The following CPN1 variants were observed in gnomAD, a reference collection of about 807,000 sequenced individuals.
CPN1 encodes carboxypeptidase N catalytic chain.
CPN1 carries 37 observed loss-of-function variants against 46.4 expected under a neutral mutation model. That is an observed-to-expected ratio of 0.80 (90% CI 0.61 to 1.05). CPN1 has a LOEUF of 1.05. Among genes scored for constraint, CPN1 ranks in the 50% least tolerant of loss-of-function variants. The pLI, the probability that CPN1 is intolerant of heterozygous loss-of-function variation, is 0.00. For synonymous variants in CPN1, 224 were observed against 235.4 expected, an observed-to-expected ratio of 0.95 and a Z score of 0.44; for missense variants, 563 against 602.6, an observed-to-expected ratio of 0.93 and a Z score of 0.69.
chr10:100,058,273 GT>G (rs1398711389), intron 5 of CPN1, among the ~76,000 whole-genome samples: 1 of 152,032 alleles, frequency 6.6e-6, no homozygotes, highest in African/African-American at 2.4e-5. Context: ...CACATGACCT[GT>G]TTTTAAAAGA....
intron 7 of CPN1, among the ~76,000 whole-genome samples, chr10:100,050,305 G>A (rs2041342911): frequency 6.6e-6 from 1 of 152,190 alleles, no homozygotes; most frequent in Non-Finnish European, 1.5e-5. Flanking sequence ...AGTGAGCCGA[G>A]ATCGCGCCAC....
At chr10:100,078,523 G>A (rs936401992) in intron 1 of CPN1, among the ~76,000 whole-genome samples, 9 of 152,302 alleles carry the variant, frequency 5.9e-5, no homozygotes, top group African/African-American at 2.2e-4. Context: ...CAGAGTCAGG[G>A]GTTGGCAAAA....
intron 2 of CPN1, among the ~76,000 whole-genome samples, chr10:100,073,561 G>A (rs1384671877): frequency 2.0e-5 from 3 of 151,570 alleles, no homozygotes; most frequent in Admixed American, 1.3e-4. Context: ...CTAAAAGCAA[G>A]GTGTCTCTCC....
intron 1 of CPN1, among the ~76,000 whole-genome samples, chr10:100,076,604 C>T (rs754634729): frequency 3.3e-5 from 5 of 152,180 alleles, no homozygotes; most frequent in Non-Finnish European, 7.3e-5. Flanking sequence ...GCGTAACAGC[C>T]GCTAATGATC....
chr10:100,068,052 T>C (rs1293685265), intron 3 of CPN1, among the ~76,000 whole-genome samples: 2 of 149,674 alleles, frequency 1.3e-5, no homozygotes, highest in Admixed American at 6.7e-5. Context: ...CTCAGGAGAC[T>C]GAGGCAGGAG....
At chr10:100,042,926 T>C (rs1267592065) in intron 8 of CPN1, among the ~76,000 whole-genome samples, 1 of 151,858 alleles carries the variant, frequency 6.6e-6, no homozygotes, top group African/African-American at 2.4e-5. Context: ...ACCCTGTCTC[T>C]ACTAAAAATA....
At chr10:100,063,804 A>G (rs988986851) in intron 4 of CPN1, 79 bp from the exon 5 acceptor site, 32 of 1,019,978 alleles carry the variant, frequency 3.1e-5, no homozygotes. Context: ...ACTAGGTTGA[A>G]GCCAAGAAGC....
At chr10:100,056,572 C>T (rs1056257053) in intron 6 of CPN1, among the ~76,000 whole-genome samples, 1 of 152,002 alleles carries the variant, frequency 6.6e-6, no homozygotes, top group African/African-American at 2.4e-5. Context: ...TTTGAGAAGG[C>T]TCTTGCTCTG....
At chr10:100,047,437 C>T (rs1420217511) in intron 8 of CPN1, among the ~76,000 whole-genome samples, 1 of 152,132 alleles carries the variant, frequency 6.6e-6, no homozygotes, top group African/African-American at 2.4e-5. Context: ...GGGTACTGAC[C>T]CACACACAGA....
intron 2 of CPN1, 75 bp from the exon 3 acceptor site, chr10:100,069,944 A>T (rs1320107041): frequency 1.9e-6 from 3 of 1,538,516 alleles, no homozygotes; most frequent in African/African-American, 1.4e-5. Context: ...TTTTTTGGAG[A>T]CAGGTTCTCA....
chr10:100,062,268 C>A (rs1392614013), intron 5 of CPN1, among the ~76,000 whole-genome samples: 2 of 152,232 alleles, frequency 1.3e-5, no homozygotes, highest in Non-Finnish European at 2.9e-5. Flanking sequence ...GAGGTTCTAT[C>A]TTGACCCCTG....
At chr10:100,073,505 G>A (rs2041497432) in intron 2 of CPN1, among the ~76,000 whole-genome samples, 1 of 151,734 alleles carries the variant, frequency 6.6e-6, no homozygotes, top group Non-Finnish European at 1.5e-5. Context: ...CGAGTGTATT[G>A]TCTCATAGTT....
intron 7 of CPN1, among the ~76,000 whole-genome samples, chr10:100,051,493 T>C (rs1291358824): frequency 6.6e-6 from 1 of 152,152 alleles, no homozygotes; most frequent in African/African-American, 2.4e-5. Context: ...ATATAATGAA[T>C]GTTTACAATG....
chr10:100,075,357 A>C (rs2041508039), intron 2 of CPN1, among the ~76,000 whole-genome samples: 1 of 152,234 alleles, frequency 6.6e-6, no homozygotes, highest in African/African-American at 2.4e-5. Context: ...AAAATATAGA[A>C]TCAATAGACT....
At chr10:100,046,945 A>G (rs2041316544) in intron 8 of CPN1, among the ~76,000 whole-genome samples, 1 of 152,004 alleles carries the variant, frequency 6.6e-6, no homozygotes, top group African/African-American at 2.4e-5. Flanking sequence ...ATGGTGGCAC[A>G]TGCCTGTAAT....
At chr10:100,055,627 C>G (rs574155401) in intron 6 of CPN1, among the ~76,000 whole-genome samples, 1 of 152,150 alleles carries the variant, frequency 6.6e-6, no homozygotes, top group Non-Finnish European at 1.5e-5. Flanking sequence ...CGGGTTCAAG[C>G]GATTCTCCTG....
intron 8 of CPN1, among the ~76,000 whole-genome samples, 156 bp downstream of exon 8, chr10:100,048,602 G>A (rs1362112404): frequency 6.6e-6 from 1 of 152,192 alleles, no homozygotes; most frequent in East Asian, 1.9e-4. Context: ...GGGAGGCTTA[G>A]GCGGCAGGAT....
intron 3 of CPN1, among the ~76,000 whole-genome samples, chr10:100,067,715 G>A (rs758119177): frequency 1.1e-4 from 17 of 152,214 alleles, no homozygotes; most frequent in Non-Finnish European, 2.4e-4. Flanking sequence ...CACCAGCAGG[G>A]TGAAACCACT....
At chr10:100,053,315 TA>T (rs2041366218) in intron 7 of CPN1, among the ~76,000 whole-genome samples, 1 of 152,096 alleles carries the variant, frequency 6.6e-6, no homozygotes. Flanking sequence ...GTTAGTGTAG[TA>T]AAATTCAGGT....
Sources: gnomAD v4.1 joint callset for allele counts (sites outside exome capture counted in the v4.1 genomes callset) on GRCh38, gnomAD v4.1.1 for gene constraint, MANE v1.5 for transcripts, NCBI Gene and HGNC (gene_info 2026-07-23, HGNC 2026-07-21) for gene names.